NAV1: variants seen among roughly 807,000 people sequenced by gnomAD.
The protein encoded by NAV1 is neuron navigator 1.
Under a neutral mutation model 175.2 loss-of-function variants are expected in NAV1, and 18 were observed. The ratio of observed to expected loss-of-function variants is 0.10; its 90% CI spans 0.07 to 0.15. NAV1 has a LOEUF of 0.15. Among genes scored for constraint, NAV1 ranks in the 10% least tolerant of loss-of-function variants. The pLI, the probability that NAV1 is intolerant of heterozygous loss-of-function variation, is 1.00. For missense variants in NAV1, 1,731 were observed against 2,436.6 expected, an observed-to-expected ratio of 0.71 and a Z score of 6.10; for synonymous variants, 897 against 978.7, an observed-to-expected ratio of 0.92 and a Z score of 1.56.
intron 3 of NAV1, among the ~76,000 whole-genome samples, chr1:201,761,000 TTTTG>T (rs1360480583): frequency 6.6e-6 from 1 of 152,210 alleles, no homozygotes; most frequent in African/African-American, 2.4e-5. Context: ...TGATGTTCCC[TTTTG>T]TTTGTTTTTA....
At chr1:201,719,174 A>T (rs1224044780) in intron 3 of NAV1, among the ~76,000 whole-genome samples, 1 of 151,732 alleles carries the variant, frequency 6.6e-6, no homozygotes, top group African/African-American at 2.4e-5. Flanking sequence ...AAAAAAAACC[A>T]AAAAGGTTAT....
At chr1:201,705,193 A>G (rs1238075642) in intron 1 of NAV1, among the ~76,000 whole-genome samples, 1 of 152,042 alleles carries the variant, frequency 6.6e-6, no homozygotes, top group Non-Finnish European at 1.5e-5. Flanking sequence ...CCCAGTGGAG[A>G]TGCATTACCG....
intron 1 of NAV1, among the ~76,000 whole-genome samples, chr1:201,675,044 A>T (rs1670192781): frequency 6.6e-6 from 1 of 151,800 alleles, no homozygotes; most frequent in Admixed American, 6.6e-5. Flanking sequence ...AAAAAAAAAA[A>T]AAAAGAACTC....
intron 3 of NAV1, chr1:201,739,846 T>A (rs1314772477): frequency 8.0e-7 from 1 of 1,255,056 alleles, no homozygotes; most frequent in African/African-American, 1.6e-5. Context: ...GCTGGAGCCG[T>A]AAGTACAAGC....
chr1:201,662,563 G>C (rs1434970555), intron 1 of NAV1, among the ~76,000 whole-genome samples: 3 of 152,200 alleles, frequency 2.0e-5, no homozygotes, highest in Non-Finnish European at 4.4e-5. Context: ...CCAGCTGGCT[G>C]TCCGTAGCCC....
At chr1:201,753,560 C>T (rs1399846823) in intron 3 of NAV1, among the ~76,000 whole-genome samples, 2 of 152,204 alleles carry the variant, frequency 1.3e-5, no homozygotes, top group Non-Finnish European at 2.9e-5. Context: ...TCTCCAGTGA[C>T]TCCTTCAGAA....
At chr1:201,754,814 T>C (rs1358208611) in intron 3 of NAV1, among the ~76,000 whole-genome samples, 1 of 152,218 alleles carries the variant, frequency 6.6e-6, no homozygotes, top group Non-Finnish European at 1.5e-5. Flanking sequence ...TTATATTAAC[T>C]AAACCAGTTT....
At chr1:201,626,901 C>G (rs568085168) in intron 1 of NAV1, among the ~76,000 whole-genome samples, 8 of 152,248 alleles carry the variant, frequency 5.3e-5, no homozygotes, top group African/African-American at 1.7e-4. Context: ...GGAGGCCTGG[C>G]CATGTTTGGA....
rs1159692159 is a variant in NAV1 at position 201,807,487 on chromosome 1, A to G, written c.3649-466A>G. Among the ~76,000 whole-genome samples the G allele has an allele frequency of 6.6e-6, 1 of 152,116 alleles. No homozygotes were observed. Among genetic ancestry groups the G allele is most frequent in the African/African-American group, 2.4e-5 (1 of 41,436 alleles). On this transcript the variant is annotated intron_variant, in intron 17 of 29. Coordinates refer to ENST00000367296, the Ensembl canonical transcript of NAV1. This position sits in a 1 kb window ranked among gnomAD's most constrained non-coding sequence, Gnocchi z 5.4. ...GAGCCAGGTTCTAGACTGAGCGGTTATTGTTCTGCTGCAGAAGGTGGGATT... is the reference window on the plus strand; with the variant it reads ...GAGCCAGGTTCTAGACTGAGCGGTTGTTGTTCTGCTGCAGAAGGTGGGATT...
chr1:201,611,131 C>A (rs546550435), intron 2 of NAV1, among the ~76,000 whole-genome samples: 1 of 152,220 alleles, frequency 6.6e-6, no homozygotes, highest in East Asian at 1.9e-4. Context: ...TCTGCCCACT[C>A]TGCCCATGCC....
At chr1:201,546,921 A>G (rs1225193215) in intron 1 of NAV1, among the ~76,000 whole-genome samples, 2 of 151,390 alleles carry the variant, frequency 1.3e-5, no homozygotes, top group Admixed American at 6.6e-5. Flanking sequence ...AAAAAAAAAA[A>G]GTAATTTGTT....
chr1:201,786,283 C>G (rs1676742195), intron 8 of NAV1, 146 bp from the exon 13 acceptor site: 1 of 776,136 alleles, frequency 1.3e-6, no homozygotes, highest in African/African-American at 1.7e-5. Flanking sequence ...TTACTCCCTC[C>G]TTGGGCAGCC....
intron 3 of NAV1, among the ~76,000 whole-genome samples, chr1:201,741,951 C>T (rs2102558784): frequency 6.6e-6 from 1 of 152,258 alleles, no homozygotes; most frequent in East Asian, 1.9e-4. Context: ...TCTGCCATAG[C>T]CCAGGTTGAG....
At chr1:201,632,573 C>G (rs574655219) in intron 2 of NAV1, among the ~76,000 whole-genome samples, 1 of 152,372 alleles carries the variant, frequency 6.6e-6, no homozygotes, top group South Asian at 2.1e-4. Context: ...AGGCTGTGTG[C>G]AGGAGGACTG....
rs988981633 is a variant in NAV1, at chr1:201,740,279, A to G, written c.1226+21524A>G. Among the ~76,000 whole-genome samples, 1 of 152,262 alleles carries G rather than the reference A, an allele frequency of 6.6e-6. No individual in the cohort carries two copies. The highest frequency in any genetic ancestry group is 2.4e-5 in the African/African-American group (1 of 41,536). ...AGTGCCTGCGCCGCCGGAGCCTCCG[A>G]GCTCCTGGACGTTTGGCTTACGGGC... On this transcript the variant is annotated intron_variant, in intron 3 of 29. Transcript: ENST00000367296. The surrounding 1 kb of genome is among the most constrained non-coding windows in gnomAD (Gnocchi z 4.7).
At chr1:201,693,094 A>T (rs2007411) in intron 1 of NAV1, among the ~76,000 whole-genome samples, 1 of 151,970 alleles carries the variant, frequency 6.6e-6, no homozygotes, top group African/African-American at 2.4e-5. Flanking sequence ...TGGGTGGAGG[A>T]GGTGCCATCT....
chr1:201,547,316 C>T (rs540361238), intron 1 of NAV1, among the ~76,000 whole-genome samples: 2 of 152,268 alleles, frequency 1.3e-5, no homozygotes, highest in African/African-American at 4.8e-5. Context: ...TATGAAGCTA[C>T]AGCACCACAA....
At chr1:201,755,996 A>G (rs1353327720) in intron 3 of NAV1, among the ~76,000 whole-genome samples, 1 of 151,682 alleles carries the variant, frequency 6.6e-6, no homozygotes, top group African/African-American at 2.4e-5. Flanking sequence ...AATCCCAGCT[A>G]CTCAGGAGGC....
chr1:201,798,161 G>A (rs1677579954), intron 15 of NAV1: 1 of 152,132 alleles, frequency 6.6e-6, no homozygotes, highest in Non-Finnish European at 1.5e-5. Flanking sequence ...ACCCTGTATA[G>A]TCAGTTAGTT....
Sources: allele counts gnomAD v4.1 joint callset (sites outside exome capture counted in the v4.1 genomes callset), GRCh38; gene constraint gnomAD v4.1.1; non-coding constraint Gnocchi (gnomAD v3.1); transcripts MANE v1.5; gene names NCBI Gene and HGNC (gene_info 2026-07-23, HGNC 2026-07-21).